The following TMX4 variants were observed in gnomAD, a reference collection of about 807,000 sequenced individuals.
The protein encoded by TMX4 is thioredoxin-related transmembrane protein 4.
TMX4 carries 23 observed loss-of-function variants against 33.3 expected under a neutral mutation model. The ratio of observed to expected loss-of-function variants is 0.69; its 90% CI spans 0.50 to 0.98. The LOEUF (loss-of-function observed/expected upper bound fraction) is 0.98. Ranked by LOEUF, TMX4 falls within the 50% of genes least tolerant of loss-of-function variation. The pLI is 0.00. For synonymous variants in TMX4, 164 were observed against 161.5 expected, an observed-to-expected ratio of 1.02 and a Z score of -0.12; for missense variants, 399 against 448.9, an observed-to-expected ratio of 0.89 and a Z score of 1.01.
Position 7,999,713 on chromosome 20 carries a change from T to C in TMX4, c.467+19A>G. On this transcript the variant is annotated intron_variant, in intron 4 of 7. Coordinates refer to ENST00000246024, the MANE Select transcript of TMX4 (RefSeq NM_021156.4). ...CTCCTGTTTTATTAGTAACACCTTGTCTTAAAAAATTGAGTTACGTTAGAG... is the reference window on the plus strand; with the variant it reads ...CTCCTGTTTTATTAGTAACACCTTGCCTTAAAAAATTGAGTTACGTTAGAG... The C allele has an allele frequency of 6.2e-7, 1 of 1,606,650 alleles. No individual in the cohort carries two copies. Among genetic ancestry groups the C allele is most frequent in the Non-Finnish European group, 8.5e-7 (1 of 1,177,900 alleles).
chr20:8,014,285 G>A (rs1021622714), intron 1 of TMX4, among the ~76,000 whole-genome samples: 7 of 152,182 alleles, frequency 4.6e-5, no homozygotes, highest in African/African-American at 7.2e-5. Flanking sequence ...GAACCTGGAA[G>A]GTCCTAGGCC....
chr20:7,988,439 T>A (rs570124824), intron 5 of TMX4, among the ~76,000 whole-genome samples: 2 of 152,330 alleles, frequency 1.3e-5, no homozygotes, highest in Admixed American at 6.5e-5. Context: ...TAATTTGGAA[T>A]GATAAATAAA....
At chr20:7,985,056 AT>A (rs1412035031) in intron 6 of TMX4, among the ~76,000 whole-genome samples, 2 of 152,088 alleles carry the variant, frequency 1.3e-5, no homozygotes, top group African/African-American at 4.8e-5. Context: ...CAAAAATGTC[AT>A]TCTGGAATAG....
intron 5 of TMX4, among the ~76,000 whole-genome samples, chr20:7,994,229 A>G (rs879631330): frequency 2.0e-5 from 3 of 152,138 alleles, no homozygotes; most frequent in Non-Finnish European, 4.4e-5. Context: ...ATACATTTAT[A>G]TAACATATAT....
At chr20:8,004,612 T>C (rs1447713907) in intron 2 of TMX4, among the ~76,000 whole-genome samples, 2 of 152,038 alleles carry the variant, frequency 1.3e-5, no homozygotes, top group Non-Finnish European at 2.9e-5. Flanking sequence ...AGAAACCTTA[T>C]CTTAAACACA....
chr20:7,982,670 C>A, intron 7 of TMX4, 49 bp from the exon 8 acceptor site: 2 of 1,541,250 alleles, frequency 1.3e-6, no homozygotes, highest in Non-Finnish European at 8.7e-7. Flanking sequence ...AATGGTAATT[C>A]GGTAATCAAT....
intron 5 of TMX4, among the ~76,000 whole-genome samples, chr20:7,991,809 G>T (rs1396879146): frequency 6.6e-6 from 1 of 151,190 alleles, no homozygotes. Flanking sequence ...GCACTCAAAG[G>T]GTTCTAGGAA....
chr20:7,996,155 T>A (rs966767627), intron 4 of TMX4, 84 bp from the exon 5 acceptor site: 5 of 1,058,622 alleles, frequency 4.7e-6, no homozygotes, highest in Admixed American at 4.5e-5. Flanking sequence ...ACTGGTCTAT[T>A]TCCCTCCACT....
chr20:8,006,085 A>G (rs957648666), intron 2 of TMX4, among the ~76,000 whole-genome samples: 2 of 152,136 alleles, frequency 1.3e-5, no homozygotes, highest in Admixed American at 1.3e-4. Context: ...ACACACGCCC[A>G]CTGGGGCTTC....
intron 7 of TMX4, among the ~76,000 whole-genome samples, chr20:7,983,551 A>G (rs1321530575): frequency 6.6e-6 from 1 of 152,246 alleles, no homozygotes; most frequent in Non-Finnish European, 1.5e-5. Context: ...TATGACACTG[A>G]TTAATGAAGA....
intron 7 of TMX4, 28 bp from the exon 8 acceptor site, chr20:7,982,649 T>C: frequency 1.3e-6 from 2 of 1,582,150 alleles, no homozygotes; most frequent in Non-Finnish European, 1.7e-6. Context: ...AGGAATATCC[T>C]CTGAATAAAC....
In TMX4 at chr20:7,999,252, T is replaced by C. The variant is rs1054744155; in HGVS notation, c.467+480A>G. The stretch of plus-strand genomic sequence containing the variant: ...GCCTAATCTACCTCACCAAGTATTA[T>C]ACAGTTTGCCGTCAAGGCCAAAGCT... On this transcript the variant is annotated intron_variant, in intron 4 of 7. Transcript: ENST00000246024. 2.6e-5 allele frequency among the ~76,000 whole-genome samples: 4 copies of C among 152,218 alleles called. No homozygotes were observed. In the East Asian group the frequency reaches 7.7e-4, roughly 29 times the overall value.
intron 5 of TMX4, among the ~76,000 whole-genome samples, chr20:7,991,335 C>T (rs1423839604): frequency 3.9e-5 from 6 of 152,228 alleles, no homozygotes; most frequent in Non-Finnish European, 8.8e-5. Flanking sequence ...GCTTTAAATA[C>T]ATTTAAATGC....
At chr20:7,984,052 A>C (rs1226484924) in intron 6 of TMX4, among the ~76,000 whole-genome samples, 195 bp from the exon 7 acceptor site, 1 of 152,228 alleles carries the variant, frequency 6.6e-6, no homozygotes, top group Non-Finnish European at 1.5e-5. Flanking sequence ...GGAAAATATT[A>C]ATTTAGAAAG....
chr20:8,001,312 A>G (rs2050706503), intron 3 of TMX4, among the ~76,000 whole-genome samples, 184 bp downstream of exon 3: 1 of 152,102 alleles, frequency 6.6e-6, no homozygotes, highest in African/African-American at 2.4e-5. Context: ...TGACATTAGG[A>G]CCTCTGTCTC....
intron 6 of TMX4, among the ~76,000 whole-genome samples, chr20:7,986,028 T>G (rs1187512124): frequency 6.6e-6 from 1 of 152,204 alleles, no homozygotes; most frequent in Admixed American, 6.6e-5. Flanking sequence ...TGTTTCCCCC[T>G]ACAAGAACCT....
intron 5 of TMX4, among the ~76,000 whole-genome samples, chr20:7,988,079 C>G (rs769897259): frequency 3.3e-5 from 5 of 152,078 alleles, no homozygotes; most frequent in Non-Finnish European, 7.4e-5. Context: ...TATTTACATG[C>G]TAAATCATAA....
At chr20:7,993,154 A>G (rs1210528509) in intron 5 of TMX4, among the ~76,000 whole-genome samples, 1 of 152,226 alleles carries the variant, frequency 6.6e-6, no homozygotes, top group Non-Finnish European at 1.5e-5. Flanking sequence ...GAGACTATGG[A>G]TAGGCATAAA....
rs548308117 is a variant in TMX4, at chr20:7,980,030, G to A, written c.*2221C>T. 51 of 152,254 alleles carry A rather than the reference G, an allele frequency of 3.3e-4. No individual in the cohort carries two copies. The highest frequency in any genetic ancestry group is 1.0e-3 in the Admixed American group (16 of 15,288). 9.4% of individuals were successfully genotyped at this position (152,254 alleles called of 1,614,324 possible). A position where few individuals can be genotyped will look rare whatever the true frequency, so the allele number is the denominator to read the frequency against. ...GCACTGTAACTGCCACCTGTCAAAT[G>A]AGGTCAGGTGTAAAATTTTCCACTT... On this transcript the variant is annotated 3_prime_UTR_variant, in exon 8 of 8. Transcript: ENST00000246024.
Sources: gnomAD v4.1 joint callset for allele counts (sites outside exome capture counted in the v4.1 genomes callset) on GRCh38, gnomAD v4.1.1 for gene constraint, MANE v1.5 for transcripts, NCBI Gene and HGNC (gene_info 2026-07-23, HGNC 2026-07-21) for gene names.